The following MMP26 variants were observed in gnomAD, a reference collection of about 807,000 sequenced individuals.
MMP26 encodes the protein matrix metallopeptidase 26, also known as matrix metalloproteinase-26.
In MMP26, 33 loss-of-function variants were observed where a neutral mutation model predicts 31.0. The observed-to-expected ratio is 1.06, with a 90% CI of 0.81 to 1.42. MMP26 has a LOEUF of 1.42. Among genes scored for constraint, MMP26 ranks in the 40% most tolerant of loss-of-function variants. The pLI, the probability that MMP26 is intolerant of heterozygous loss-of-function variation, is 0.00. For missense variants in MMP26, 347 were observed against 316.1 expected, an observed-to-expected ratio of 1.10 and a Z score of -0.74; for synonymous variants, 122 against 114.9, an observed-to-expected ratio of 1.06 and a Z score of -0.40.
intron 1 of MMP26, chr11:4,724,284 A>C (rs960689030): frequency 1.4e-5 from 5 of 362,136 alleles, no homozygotes; most frequent in Non-Finnish European, 2.5e-5. Flanking sequence ...AAACCCCAGG[A>C]AAAGCAGGAT....
intron 2 of MMP26, among the ~76,000 whole-genome samples, chr11:4,961,510 A>C (rs1193680397): frequency 2.0e-5 from 3 of 152,216 alleles, no homozygotes; most frequent in Non-Finnish European, 4.4e-5. Context: ...GTTGACACCT[A>C]AAATTAAGTC....
chr11:4,706,317 T>G (rs911149286), intron 1 of MMP26, among the ~76,000 whole-genome samples: 1 of 152,014 alleles, frequency 6.6e-6, no homozygotes, highest in Admixed American at 6.5e-5. Flanking sequence ...TCCCAGCACT[T>G]TGGAGGCCAA....
intron 2 of MMP26, chr11:4,913,840 G>C (rs980243758): frequency 6.6e-6 from 1 of 152,108 alleles, no homozygotes; most frequent in Middle Eastern, 3.2e-3. Flanking sequence ...TCCTCTTACA[G>C]TTTTTGACTG....
At chr11:4,811,876 A>G (rs1007487889) in intron 2 of MMP26, among the ~76,000 whole-genome samples, 8 of 152,088 alleles carry the variant, frequency 5.3e-5, no homozygotes, top group African/African-American at 1.7e-4. Context: ...ATATAGTAGA[A>G]ATGTCAGAAT....
chr11:4,907,358 A>C, intron 2 of MMP26: 16 of 1,530,278 alleles, frequency 1.0e-5, no homozygotes, highest in Non-Finnish European at 1.4e-5. Context: ...ACGAGCTCAT[A>C]TCTCCCTCAT....
intron 2 of MMP26, among the ~76,000 whole-genome samples, chr11:4,799,929 G>C (rs1243741242): frequency 1.3e-5 from 2 of 152,226 alleles, no homozygotes; most frequent in Non-Finnish European, 2.9e-5. Context: ...GGTGCAACAA[G>C]TGTGCTCCTT....
chr11:4,770,239 A>G (rs1462703526), intron 2 of MMP26, among the ~76,000 whole-genome samples: 5 of 152,220 alleles, frequency 3.3e-5, no homozygotes, highest in African/African-American at 9.6e-5. Context: ...GATTATTTGA[A>G]TAAAGACTTA....
intron 2 of MMP26, among the ~76,000 whole-genome samples, chr11:4,957,517 CT>C (rs760151508): frequency 1.3e-4 from 19 of 151,976 alleles, no homozygotes; most frequent in Non-Finnish European, 2.6e-4. Context: ...TCCTTTCGTC[CT>C]TTCCCCCGAT....
At chr11:4,774,962 T>C (rs1012794533) in intron 2 of MMP26, among the ~76,000 whole-genome samples, 4 of 152,064 alleles carry the variant, frequency 2.6e-5, no homozygotes, top group Non-Finnish European at 5.9e-5. Context: ...ATTTCTGAGT[T>C]CTCTATTCTG....
chr11:4,814,034 T>G (rs1362607237), intron 2 of MMP26, among the ~76,000 whole-genome samples: 3 of 152,202 alleles, frequency 2.0e-5, no homozygotes, highest in Non-Finnish European at 4.4e-5. Flanking sequence ...AAAGGTTTAT[T>G]ATTATTATTC....
chr11:4,932,732 C>T (rs1212787729), intron 2 of MMP26, among the ~76,000 whole-genome samples: 2 of 152,070 alleles, frequency 1.3e-5, no homozygotes, highest in African/African-American at 4.8e-5. Context: ...CCAGCTATTT[C>T]TGAACATGGT....
At chr11:4,776,827 C>G (rs944113306) in intron 2 of MMP26, among the ~76,000 whole-genome samples, 1 of 152,084 alleles carries the variant, frequency 6.6e-6, no homozygotes, top group Non-Finnish European at 1.5e-5. Flanking sequence ...AGTCATATTT[C>G]CTGTTAATCC....
chr11:4,731,406 T>G (rs759362320), intron 1 of MMP26, among the ~76,000 whole-genome samples: 1 of 152,204 alleles, frequency 6.6e-6, no homozygotes, highest in African/African-American at 2.4e-5. Flanking sequence ...TCCCATTAAA[T>G]GTATAGCTCA....
At chr11:4,732,267 A>G (rs2133284800) in intron 1 of MMP26, among the ~76,000 whole-genome samples, 2 of 152,246 alleles carry the variant, frequency 1.3e-5, no homozygotes, top group East Asian at 3.9e-4. Flanking sequence ...CCCTATCTTT[A>G]TGGATCACTG....
chr11:4,863,087 A>G (rs1466993784), intron 2 of MMP26, among the ~76,000 whole-genome samples: 3 of 152,120 alleles, frequency 2.0e-5, no homozygotes, highest in African/African-American at 4.8e-5. Context: ...ACCTACTTGA[A>G]AAATCTTTAA....
intron 2 of MMP26, among the ~76,000 whole-genome samples, chr11:4,899,397 A>G (rs1456436035): frequency 4.6e-5 from 7 of 152,150 alleles, no homozygotes. Flanking sequence ...TGAAACCTCA[A>G]CTGATCTTAT....
chr11:4,749,587 C>T (rs945293566), intron 1 of MMP26, among the ~76,000 whole-genome samples: 3 of 152,036 alleles, frequency 2.0e-5, no homozygotes, highest in African/African-American at 7.2e-5. Context: ...GACACATTGA[C>T]CAATTAAACA....
chr11:4,955,093 G>C (rs758532199), intron 2 of MMP26: 1 of 1,422,616 alleles, frequency 7.0e-7, no homozygotes, highest in Non-Finnish European at 9.6e-7. Context: ...CTACCATAAG[G>C]CAGAGTGCTC....
intron 1 of MMP26, among the ~76,000 whole-genome samples, chr11:4,749,875 G>C (rs1848426677): frequency 6.6e-6 from 1 of 152,160 alleles, no homozygotes; most frequent in Non-Finnish European, 1.5e-5. Context: ...CCTTGGCAAG[G>C]AGTTCATGAC....
Sources: allele counts gnomAD v4.1 joint callset (sites outside exome capture counted in the v4.1 genomes callset), GRCh38; gene constraint gnomAD v4.1.1; transcripts MANE v1.5; gene names NCBI Gene and HGNC (gene_info 2026-07-23, HGNC 2026-07-21).